The following DCC variants were observed in gnomAD, a reference collection of about 807,000 sequenced individuals.
DCC encodes DCC netrin 1 receptor.
A neutral mutation model predicts 172.5 loss-of-function variants in DCC; 58 were observed. The observed-to-expected ratio is 0.34, with a 90% CI of 0.27 to 0.42. The LOEUF (loss-of-function observed/expected upper bound fraction) is 0.42, where lower values mean the gene tolerates loss of function less well. Among genes scored for constraint, DCC ranks in the 10% least tolerant of loss-of-function variants. The pLI, the probability that DCC is intolerant of heterozygous loss-of-function variation, is 1.00. For missense variants in DCC, 1,740 were observed against 1,791.0 expected (o/e 0.97, Z 0.51); for synonymous variants, 709 against 644.5 (o/e 1.10, Z -1.52).
intron 3 of DCC, among the ~76,000 whole-genome samples, chr18:52,914,888 G>A (rs946203033): frequency 6.6e-6 from 1 of 152,038 alleles, no homozygotes; most frequent in Non-Finnish European, 1.5e-5. Context: ...AGAAATCAAA[G>A]AAAATACCCC....
At chr18:53,308,556 A>C (rs2057229536) in intron 13 of DCC, among the ~76,000 whole-genome samples, 1 of 152,222 alleles carries the variant, frequency 6.6e-6, no homozygotes, top group Non-Finnish European at 1.5e-5. Flanking sequence ...TGGTCCAGAA[A>C]ACAAATGAAT....
intron 1 of DCC, among the ~76,000 whole-genome samples, chr18:52,722,142 AG>A (rs1230461467): frequency 1.3e-5 from 2 of 152,224 alleles, no homozygotes; most frequent in Admixed American, 6.5e-5. Context: ...GAATTCTAAA[AG>A]GCTTGCTACA....
chr18:52,797,474 T>G (rs114417334), intron 2 of DCC, among the ~76,000 whole-genome samples: 217 of 152,310 alleles, frequency 1.4e-3, no homozygotes, highest in African/African-American at 4.8e-3. Flanking sequence ...TGATTTTGGA[T>G]GGGTATAGCA....
At chr18:52,899,002 A>G (rs1010320373) in intron 2 of DCC, among the ~76,000 whole-genome samples, 5 of 152,146 alleles carry the variant, frequency 3.3e-5, no homozygotes, top group East Asian at 1.9e-4. Context: ...TGTGGCTTAG[A>G]TAATATTTTC....
At chr18:53,018,814 T>G (rs2041842412) in intron 5 of DCC, among the ~76,000 whole-genome samples, 1 of 152,182 alleles carries the variant, frequency 6.6e-6, no homozygotes, top group Non-Finnish European at 1.5e-5. Context: ...TGACAAAAAC[T>G]GAAATAATTG....
chr18:52,710,842 G>T (rs544703647), intron 1 of DCC, among the ~76,000 whole-genome samples: 3 of 152,276 alleles, frequency 2.0e-5, no homozygotes, highest in African/African-American at 7.2e-5. Flanking sequence ...TGCTTTAAGT[G>T]ATCTTAGAAA....
chr18:52,861,873 A>C (rs1045546900), intron 2 of DCC, among the ~76,000 whole-genome samples: 38 of 152,168 alleles, frequency 2.5e-4, no homozygotes, highest in Non-Finnish European at 2.9e-5. Context: ...TTTATTGAAG[A>C]AGCAAATTTT....
rs144992541 is a variant in DCC at position 52,867,530 on chromosome 18, T to C, written c.413-38514T>C. Among the ~76,000 whole-genome samples, 1,381 of 152,126 alleles carry C rather than the reference T, an allele frequency of 9.1e-3. 24 individuals carry two copies. Among genetic ancestry groups the C allele is most frequent in the African/African-American group, 0.032 (1,316 of 41,480 alleles). On this transcript the variant is annotated intron_variant, in intron 2 of 28. Coordinates refer to ENST00000442544, the MANE Select transcript of DCC (RefSeq NM_005215.4). Reference sequence around the variant, plus strand: ...GTCTTGGGTTTTTTTTTTTGGGTGGTAGGCTATTAATTACTGCCTCAATTT... The same window carrying C: ...GTCTTGGGTTTTTTTTTTTGGGTGGCAGGCTATTAATTACTGCCTCAATTT...
At chr18:52,625,980 C>T (rs2034566447) in intron 1 of DCC, among the ~76,000 whole-genome samples, 1 of 152,130 alleles carries the variant, frequency 6.6e-6, no homozygotes, top group South Asian at 2.1e-4. Context: ...ACTCACTCTT[C>T]AATGTTTGCT....
intron 1 of DCC, among the ~76,000 whole-genome samples, chr18:52,497,314 T>TATATATATATACAC (rs1281625390): frequency 2.7e-5 from 2 of 73,982 alleles, no homozygotes; most frequent in African/African-American, 1.0e-4. Flanking sequence ...TATATATATA[T>TATATATATATACAC]ACACACACAC....
rs149725341 is a variant in DCC at position 52,711,191 on chromosome 18, G to A, written c.92-40863G>A. Among the ~76,000 whole-genome samples, 541 of 152,024 alleles carry A rather than the reference G, an allele frequency of 3.6e-3. 5 individuals are homozygous for A. Among genetic ancestry groups the A allele is most frequent in the African/African-American group, 0.012 (512 of 41,472 alleles). On this transcript the variant is annotated intron_variant, in intron 1 of 28. Coordinates refer to ENST00000442544, the MANE Select transcript of DCC (RefSeq NM_005215.4). ...TATTTGTTTATTCTGTCTCCTTATT[G>A]GACGATAAAGATATAAGGATGAGAC...
At chr18:52,997,114 C>A (rs2145632576) in intron 5 of DCC, among the ~76,000 whole-genome samples, 1 of 152,044 alleles carries the variant, frequency 6.6e-6, no homozygotes, top group African/African-American at 2.4e-5. Flanking sequence ...TTTTGCTGAA[C>A]AAAACAAATA....
chr18:53,052,563 G>T (rs2042347717), intron 5 of DCC, among the ~76,000 whole-genome samples: 1 of 151,840 alleles, frequency 6.6e-6, no homozygotes, highest in Admixed American at 6.6e-5. Flanking sequence ...ATCCTTCTTG[G>T]GATCCCTTAA....
At chr18:52,408,504 C>T (rs555215633) in intron 1 of DCC, among the ~76,000 whole-genome samples, 2 of 152,026 alleles carry the variant, frequency 1.3e-5, no homozygotes, top group South Asian at 4.1e-4. Context: ...AAGACAATTC[C>T]TGATGTGGAC....
chr18:53,498,730 C>A (rs1375767588), intron 26 of DCC, among the ~76,000 whole-genome samples: 1 of 152,168 alleles, frequency 6.6e-6, no homozygotes, highest in Non-Finnish European at 1.5e-5. Context: ...CTTGTTCTGG[C>A]AGAGTCATCT....
intron 1 of DCC, among the ~76,000 whole-genome samples, chr18:52,628,798 C>A (rs967367211): frequency 2.2e-4 from 34 of 152,342 alleles, no homozygotes; most frequent in South Asian, 6.2e-4. Flanking sequence ...TGAGCTAGAA[C>A]TTCTGTCTCA....
At chr18:53,137,574 CTG>C (rs2043763452) in intron 7 of DCC, among the ~76,000 whole-genome samples, 1 of 152,130 alleles carries the variant, frequency 6.6e-6, no homozygotes, top group Non-Finnish European at 1.5e-5. Flanking sequence ...AAGAGAGTAA[CTG>C]TTTTATAAAT....
intron 5 of DCC, among the ~76,000 whole-genome samples, chr18:52,977,883 TCAAAAAAAAAAA>T (rs1021244760): frequency 7.3e-6 from 1 of 136,316 alleles, no homozygotes; most frequent in African/African-American, 2.8e-5. Flanking sequence ...AGACTCCATC[TCAAAAAAAAAAA>T]GAAAAGAAAA....
chr18:52,594,711 G>C (rs1270187019), intron 1 of DCC, among the ~76,000 whole-genome samples: 1 of 152,264 alleles, frequency 6.6e-6, no homozygotes, highest in East Asian at 1.9e-4. Flanking sequence ...TTTACTCATG[G>C]CAGAAGATGA....
Sources: gnomAD v4.1 joint callset for allele counts (sites outside exome capture counted in the v4.1 genomes callset) on GRCh38, gnomAD v4.1.1 for gene constraint, MANE v1.5 for transcripts, NCBI Gene and HGNC (gene_info 2026-07-23, HGNC 2026-07-21) for gene names.